EPHA6: variants seen among roughly 807,000 people sequenced by gnomAD.
The protein encoded by EPHA6 is ephrin type-A receptor 6.
Under a neutral mutation model 112.0 loss-of-function variants are expected in EPHA6, and 50 were observed. The observed-to-expected ratio is 0.45, with a 90% CI of 0.36 to 0.56. The LOEUF (loss-of-function observed/expected upper bound fraction) is 0.56, where lower values mean the gene tolerates loss of function less well. Ranked by LOEUF, EPHA6 falls within the 20% of genes least tolerant of loss-of-function variation. The pLI is 0.00. For missense variants in EPHA6, 1,280 were observed against 1,417.4 expected, an observed-to-expected ratio of 0.90 and a Z score of 1.56; for synonymous variants, 529 against 490.7, an observed-to-expected ratio of 1.08 and a Z score of -1.03.
At position 97,152,417 on chromosome 3, in the gene EPHA6, A is replaced by G. The variant is rs144154299; in HGVS notation, c.1115-73847A>G. Among the ~76,000 whole-genome samples the G allele has an allele frequency of 4.8e-4, 72 of 149,596 alleles. 2 individuals carry two copies. In the East Asian group the frequency reaches 0.013, roughly 28 times the overall value. Reference sequence around the variant, plus strand: ...GTAAAACCATTGCAAGTATAAACTAATATTATTATTAATAAATAATATATA... The same window carrying G: ...GTAAAACCATTGCAAGTATAAACTAGTATTATTATTAATAAATAATATATA... On this transcript the variant is annotated intron_variant, in intron 3 of 17. Coordinates refer to ENST00000389672, the MANE Select transcript of EPHA6 (RefSeq NM_001080448.3).
chr3:97,567,374 G>A (rs1311148517), intron 11 of EPHA6, among the ~76,000 whole-genome samples: 1 of 152,028 alleles, frequency 6.6e-6, no homozygotes, highest in Non-Finnish European at 1.5e-5. Context: ...CATTGGCATA[G>A]AATACAATGG....
intron 3 of EPHA6, among the ~76,000 whole-genome samples, chr3:97,068,339 G>C (rs550374359): frequency 6.6e-6 from 1 of 152,116 alleles, no homozygotes; most frequent in East Asian, 1.9e-4. Flanking sequence ...GGAGGGTTGG[G>C]ACAGGATCCA....
chr3:97,670,775 G>A (rs1576252423), intron 14 of EPHA6, among the ~76,000 whole-genome samples: 1 of 152,228 alleles, frequency 6.6e-6, no homozygotes, highest in East Asian at 1.9e-4. Context: ...TATCCATATA[G>A]GTCCTTTGTA....
intron 3 of EPHA6, among the ~76,000 whole-genome samples, chr3:97,108,142 A>C (rs953521242): frequency 6.6e-6 from 1 of 152,184 alleles, no homozygotes; most frequent in Non-Finnish European, 1.5e-5. Flanking sequence ...GGTAAATTGC[A>C]TACTAGGTAG....
chr3:97,514,901 C>A (rs914527528), intron 10 of EPHA6, among the ~76,000 whole-genome samples: 2 of 152,126 alleles, frequency 1.3e-5, no homozygotes, highest in African/African-American at 2.4e-5. Flanking sequence ...TCCCAATCAT[C>A]GGAACCTTGA....
chr3:97,240,585 G>C (rs111879168), intron 4 of EPHA6, among the ~76,000 whole-genome samples: 1,742 of 150,876 alleles, frequency 0.012, 32 homozygotes, highest in African/African-American at 0.04. Context: ...AAATCCCCCT[G>C]TTTGTTTATG....
At chr3:97,019,955 A>T (rs1309942689) in intron 3 of EPHA6, among the ~76,000 whole-genome samples, 1 of 152,116 alleles carries the variant, frequency 6.6e-6, no homozygotes, top group Non-Finnish European at 1.5e-5. Flanking sequence ...TTCGCATATA[A>T]CTTTGAAGTT....
At chr3:97,275,604 G>A (rs1398833982) in intron 5 of EPHA6, among the ~76,000 whole-genome samples, 1 of 152,146 alleles carries the variant, frequency 6.6e-6, no homozygotes, top group Non-Finnish European at 1.5e-5. Flanking sequence ...GGCTTGTCTG[G>A]TTCTAGGACA....
chr3:97,397,155 A>G lies in EPHA6; in HGVS notation c.1607-7995A>G, dbSNP rs115759316. ...AATACATAATTCTTACTCAGGGAATATTGCTTGAGCCTTCAAGTTATTCCA... is the reference window on the plus strand; with the variant it reads ...AATACATAATTCTTACTCAGGGAATGTTGCTTGAGCCTTCAAGTTATTCCA... On this transcript the variant is annotated intron_variant, in intron 5 of 17. Transcript: ENST00000389672. Among the ~76,000 whole-genome samples the G allele has an allele frequency of 1.6e-3, 242 of 151,850 alleles. 1 individual carries two copies. The highest frequency in any genetic ancestry group is 5.7e-3 in the African/African-American group (238 of 41,526).
intron 1 of EPHA6, among the ~76,000 whole-genome samples, chr3:96,846,939 A>G (rs1477125321): frequency 2.6e-5 from 4 of 152,056 alleles, no homozygotes; most frequent in African/African-American, 9.7e-5. Context: ...TTAGTTATCA[A>G]GGTGTCAGTG....
intron 5 of EPHA6, among the ~76,000 whole-genome samples, chr3:97,349,309 A>G (rs1286221849): frequency 2.0e-5 from 3 of 152,078 alleles, no homozygotes; most frequent in Admixed American, 2.0e-4. Flanking sequence ...AAAAAAGAAA[A>G]TCAGAGTTCA....
chr3:97,143,579 C>T (rs1393445515), intron 3 of EPHA6, among the ~76,000 whole-genome samples: 2 of 151,666 alleles, frequency 1.3e-5, no homozygotes, highest in Non-Finnish European at 3.0e-5. Flanking sequence ...GTTATGAATG[C>T]TTATACAACT....
At chr3:97,519,175 T>C in intron 10 of EPHA6, among the ~76,000 whole-genome samples, 1 of 152,186 alleles carries the variant, frequency 6.6e-6, no homozygotes, top group Non-Finnish European at 1.5e-5. Context: ...CTTTTGTATA[T>C]GGTGAGAGAT....
chr3:96,883,612 T>C (rs2037448830), intron 2 of EPHA6, among the ~76,000 whole-genome samples: 1 of 152,132 alleles, frequency 6.6e-6, no homozygotes, highest in Non-Finnish European at 1.5e-5. Context: ...GATGAGGATG[T>C]AGTTTCATTC....
chr3:97,323,632 TCTAA>T (rs1400709427), intron 5 of EPHA6, among the ~76,000 whole-genome samples: 2 of 133,590 alleles, frequency 1.5e-5, no homozygotes, highest in South Asian at 2.1e-4. Flanking sequence ...GCTCTAGAAA[TCTAA>T]CTATTTAATT....
chr3:97,443,878 T>C (rs1237273666), intron 6 of EPHA6, among the ~76,000 whole-genome samples: 1 of 152,136 alleles, frequency 6.6e-6, no homozygotes, highest in Non-Finnish European at 1.5e-5. Flanking sequence ...AAAAACTACT[T>C]TGGCTCAGTC....
At chr3:96,861,111 G>T (rs1576168536) in intron 1 of EPHA6, among the ~76,000 whole-genome samples, 1 of 152,024 alleles carries the variant, frequency 6.6e-6, no homozygotes, top group South Asian at 2.1e-4. Context: ...TTTTAGGAAT[G>T]ATTATAAGGC....
intron 3 of EPHA6, among the ~76,000 whole-genome samples, chr3:97,031,540 CTACTCATCTGACAAAGGGCTAA>C (rs1472907855): frequency 1.3e-5 from 2 of 152,024 alleles, no homozygotes; most frequent in Admixed American, 1.3e-4. Flanking sequence ...TTTTTGCAAC[CTACTCATCTGACAAAGGGCTAA>C]TACCCAGAAT....
chr3:96,954,795 T>G, intron 2 of EPHA6, among the ~76,000 whole-genome samples: 1 of 126,788 alleles, frequency 7.9e-6, no homozygotes, highest in African/African-American at 3.1e-5. Flanking sequence ...TTTTTTTTTT[T>G]TTTTTTTTTG....
Sources: gnomAD v4.1 joint callset for allele counts (sites outside exome capture counted in the v4.1 genomes callset) on GRCh38, gnomAD v4.1.1 for gene constraint, MANE v1.5 for transcripts, NCBI Gene and HGNC (gene_info 2026-07-23, HGNC 2026-07-21) for gene names.